The following DAB2IP variants were observed in gnomAD, a reference collection of about 807,000 sequenced individuals.
DAB2IP encodes the protein DAB2 interacting protein.
DAB2IP carries 28 observed loss-of-function variants against 107.2 expected under a neutral mutation model. The observed-to-expected ratio is 0.26, with a 90% confidence interval of 0.19 to 0.36. The LOEUF is 0.36. DAB2IP is among the 10% of genes least tolerant of loss of function. The pLI, the probability that DAB2IP is intolerant of heterozygous loss-of-function variation, is 1.00. For synonymous variants in DAB2IP, 755 were observed against 706.4 expected (o/e 1.07, Z -1.09); for missense variants, 1,400 against 1,644.7 (o/e 0.85, Z 2.57).
chr9:121,749,491 A>G (rs1564197991), intron 3 of DAB2IP, among the ~76,000 whole-genome samples: 1 of 152,188 alleles, frequency 6.6e-6, no homozygotes, highest in Non-Finnish European at 1.5e-5. Context: ...GGTGGGCACC[A>G]ACTCTGTGGA....
At chr9:121,590,541 G>T (rs891949406) in intron 1 of DAB2IP, among the ~76,000 whole-genome samples, 2 of 152,088 alleles carry the variant, frequency 1.3e-5, no homozygotes, top group Admixed American at 6.6e-5. Flanking sequence ...CTTAAAATCT[G>T]AGCCTCAGTT....
At chr9:121,710,112 G>T (rs1229474823) in intron 3 of DAB2IP, among the ~76,000 whole-genome samples, 2 of 152,128 alleles carry the variant, frequency 1.3e-5, no homozygotes, top group Non-Finnish European at 2.9e-5. Flanking sequence ...TCCCACATCA[G>T]TGTTTTTAAC....
intron 11 of DAB2IP, among the ~76,000 whole-genome samples, chr9:121,771,647 G>A (rs545620393): frequency 7.9e-5 from 12 of 152,220 alleles, no homozygotes; most frequent in African/African-American, 2.4e-4. Context: ...AGAGGCAGCC[G>A]GGCCCGTGAG....
chr9:121,760,580 A>C lies in DAB2IP; in HGVS notation c.1170+141A>C. ...ACCAGAAGGGCTCCCTAAACCCAAA[A>C]GTTCTATCGTGGGCTGGGGGTTTTG... is the stretch of plus-strand genomic sequence containing the variant. On this transcript the variant is annotated intron_variant, in intron 6 of 15. Coordinates refer to ENST00000408936, the Ensembl canonical transcript of DAB2IP. The surrounding 1 kb of genome is among the most constrained non-coding windows in gnomAD (Gnocchi z 5.9). The C allele has an allele frequency of 2.8e-6, 3 of 1,056,502 alleles. No homozygotes were observed. Among genetic ancestry groups the C allele is most frequent in the Non-Finnish European group, 4.0e-6 (3 of 756,128 alleles). 65.4% of individuals were successfully genotyped at this position (1,056,502 alleles called of 1,614,324 possible).
At chr9:121,618,778 T>C (rs1272884933) in intron 1 of DAB2IP, among the ~76,000 whole-genome samples, 1 of 152,222 alleles carries the variant, frequency 6.6e-6, no homozygotes, top group Non-Finnish European at 1.5e-5. Flanking sequence ...AGAAAGATTC[T>C]GAAACCACCT....
At chr9:121,578,182 G>T (rs933418357) in intron 1 of DAB2IP, among the ~76,000 whole-genome samples, 3 of 152,098 alleles carry the variant, frequency 2.0e-5, no homozygotes, top group Non-Finnish European at 4.4e-5. Flanking sequence ...CCTGACAGCA[G>T]GGAGGGGATG....
At chr9:121,648,307 C>T (rs1832611040), upstream of DAB2IP, among the ~76,000 whole-genome samples, 1 of 152,052 alleles carries the variant, frequency 6.6e-6, no homozygotes, top group South Asian at 2.1e-4. Context: ...GAGCTGGGTC[C>T]TGAAGGGTAA....
chr9:121,749,934 C>T (rs1411984885), intron 3 of DAB2IP, among the ~76,000 whole-genome samples: 6 of 152,188 alleles, frequency 3.9e-5, no homozygotes, highest in Non-Finnish European at 8.8e-5. Context: ...GCAGCGTGTG[C>T]ATCGTTCACC....
intron 1 of DAB2IP, among the ~76,000 whole-genome samples, chr9:121,654,462 A>T (rs563928761): frequency 1.4e-4 from 21 of 152,114 alleles, no homozygotes; most frequent in Admixed American, 7.9e-4. Context: ...TTGTTTTTTT[A>T]AAAAAAGAAG....
chr9:121,585,051 C>T (rs565429301), intron 1 of DAB2IP, among the ~76,000 whole-genome samples: 19 of 152,250 alleles, frequency 1.2e-4, no homozygotes, highest in Admixed American at 7.8e-4. Flanking sequence ...ACTACAGGCG[C>T]GTGCCACTGT....
At position 121,756,997 on chromosome 9, in the gene DAB2IP, C is replaced by T. The variant is rs763189452; in HGVS notation, c.363-16C>T. On this transcript the variant is annotated splice_polypyrimidine_tract_variant and intron_variant, in intron 3 of 15. Transcript: ENST00000408936. ...GGGCTGTGGGGGCCCACCTGACACA[C>T]CTACTGCCACCCCAGGTCCCATCTG... The T allele has an allele frequency of 1.9e-6, 3 of 1,613,652 alleles. No individual in the cohort carries two copies.
chr9:121,706,903 C>T (rs887554911), intron 3 of DAB2IP, among the ~76,000 whole-genome samples: 13 of 152,198 alleles, frequency 8.5e-5, no homozygotes, highest in South Asian at 2.1e-4. Context: ...TGAAAACCTA[C>T]GGGAGGGAGA....
intron 1 of DAB2IP, among the ~76,000 whole-genome samples, chr9:121,645,816 G>A (rs1416739699): frequency 1.3e-5 from 2 of 152,194 alleles, no homozygotes; most frequent in African/African-American, 4.8e-5. Context: ...AGGGAGACGT[G>A]CATGTCCTCT....
chr9:121,678,010 A>T (rs1282216607), intron 1 of DAB2IP, among the ~76,000 whole-genome samples: 1 of 152,214 alleles, frequency 6.6e-6, no homozygotes, highest in East Asian at 1.9e-4. Flanking sequence ...AAAACATAAA[A>T]GTTATCATTT....
At chr9:121,763,852 C>G in exon 8 of DAB2IP, 1 of 1,614,130 alleles carries the variant, frequency 6.2e-7, no homozygotes, top group Non-Finnish European at 8.5e-7. Flanking sequence ...TGCGAGCTGG[C>G]CTTCTGCAAG....
chr9:121,630,533 A>T (rs201651079), intron 1 of DAB2IP, among the ~76,000 whole-genome samples: 4,801 of 146,966 alleles, frequency 0.033, 90 homozygotes, highest in Non-Finnish European at 0.037. Flanking sequence ...TCATAAAAAA[A>T]TTTTTTTTTT....
chr9:121,668,724 C>T (rs576042135), intron 1 of DAB2IP, among the ~76,000 whole-genome samples: 86 of 152,166 alleles, frequency 5.7e-4, no homozygotes, highest in Middle Eastern at 3.4e-3. Flanking sequence ...ATTGTACAGT[C>T]ATCTGTTTCC....
upstream of DAB2IP, among the ~76,000 whole-genome samples, chr9:121,648,290 GA>G: frequency 6.6e-6 from 1 of 152,190 alleles, no homozygotes; most frequent in East Asian, 1.9e-4. Context: ...AAACTGAGGG[GA>G]TGCTTGAGCT....
Position 121,578,722 on chromosome 9 carries a change from CTTTTTTTTTTTTTTTTTTTTTTTT to C in DAB2IP, c.40+11507_40+11530del, listed in dbSNP as rs749525264. Among the ~76,000 whole-genome samples, 4 of 47,324 alleles carry C rather than the reference CTTTTTTTTTTTTTTTTTTTTTTTT, an allele frequency of 8.5e-5. No homozygotes were observed. The East Asian group carries it at 3.2e-3, about 38-fold the overall frequency. 31.0% of individuals were successfully genotyped at this position (47,324 alleles called of 152,430 possible). A position where few individuals can be genotyped will look rare whatever the true frequency, so the allele number is the denominator to read the frequency against. ...CTGCCTCATCCTCTCCGGCCTATGT[CTTTTTTTTTTTTTTTTTTTTTTTT>C]TTTTTTTTTTTTGAGACGAAGTCTT... is the stretch of plus-strand genomic sequence containing the variant. On this transcript the variant is annotated intron_variant, in intron 1 of 16. Coordinates refer to the DAB2IP transcript ENST00000259371.
Sources: gnomAD v4.1 joint callset for allele counts (sites outside exome capture counted in the v4.1 genomes callset) on GRCh38, gnomAD v4.1.1 for gene constraint, Gnocchi (gnomAD v3.1) non-coding constraint, MANE v1.5 for transcripts, NCBI Gene and HGNC (gene_info 2026-07-23, HGNC 2026-07-21) for gene names.